RORA: variants seen among roughly 807,000 people sequenced by gnomAD.
The protein encoded by RORA is RAR related orphan receptor A.
Under a neutral mutation model 69.5 loss-of-function variants are expected in RORA, and 7 were observed. The observed-to-expected ratio is 0.10, with a 90% CI of 0.06 to 0.19. The LOEUF is 0.19. RORA is among the 10% of genes least tolerant of loss of function. The pLI is 1.00. For missense variants in RORA, 457 were observed against 663.0 expected (o/e 0.69, Z 3.41); for synonymous variants, 261 against 240.8 (o/e 1.08, Z -0.78).
chr15:60,760,139 AAT>A (rs2140871360), intron 1 of RORA, among the ~76,000 whole-genome samples: 1 of 150,834 alleles, frequency 6.6e-6, no homozygotes, highest in African/African-American at 2.5e-5. Flanking sequence ...TGAGCTTTAA[AAT>A]ATTTTTTTTT....
intron 1 of RORA, among the ~76,000 whole-genome samples, chr15:61,192,800 G>A (rs1529991): frequency 0.82 from 124,168 of 152,202 alleles, 52,172 homozygotes; most frequent in Non-Finnish European, 0.93. Context: ...GGTTGTCAGA[G>A]AGTTCCAGTG....
chr15:60,506,303 T>C (rs1224743234), intron 5 of RORA, among the ~76,000 whole-genome samples: 2 of 152,108 alleles, frequency 1.3e-5, no homozygotes, highest in Non-Finnish European at 2.9e-5. Flanking sequence ...AGGGCTGCCA[T>C]GAGAATTAAA....
intron 1 of RORA, among the ~76,000 whole-genome samples, chr15:60,808,761 T>A (rs1308270032): frequency 6.6e-6 from 1 of 151,008 alleles, no homozygotes; most frequent in African/African-American, 2.4e-5. Flanking sequence ...TATAAACATA[T>A]ATACAAATTT....
chr15:60,710,664 G>A (rs2071130217), intron 1 of RORA, among the ~76,000 whole-genome samples: 1 of 152,142 alleles, frequency 6.6e-6, no homozygotes, highest in Non-Finnish European at 1.5e-5. Flanking sequence ...ATGGCTGGGT[G>A]GCCTTCACCT....
chr15:60,723,550 C>T (rs747493555), intron 1 of RORA, among the ~76,000 whole-genome samples: 4 of 151,712 alleles, frequency 2.6e-5, no homozygotes, highest in Non-Finnish European at 5.9e-5. Flanking sequence ...ACATCAAATC[C>T]CCCTAAATAA....
At chr15:61,151,188 C>G (rs2079394973) in intron 1 of RORA, among the ~76,000 whole-genome samples, 1 of 152,142 alleles carries the variant, frequency 6.6e-6, no homozygotes, top group African/African-American at 2.4e-5. Context: ...TTTTTGTATT[C>G]TGTGATGTCA....
At chr15:61,070,927 G>A (rs1441183150) in intron 1 of RORA, among the ~76,000 whole-genome samples, 7 of 151,890 alleles carry the variant, frequency 4.6e-5, no homozygotes, top group Admixed American at 3.9e-4. Context: ...GGTATAAATT[G>A]GACTTTAAGA....
intron 1 of RORA, among the ~76,000 whole-genome samples, chr15:61,065,801 T>A (rs970353013): frequency 1.3e-5 from 2 of 152,206 alleles, no homozygotes; most frequent in Non-Finnish European, 2.9e-5. Flanking sequence ...AGACCTTGTT[T>A]CCATTGCATA....
chr15:61,207,931 A>G (rs777509057), intron 1 of RORA, among the ~76,000 whole-genome samples: 2 of 152,260 alleles, frequency 1.3e-5, no homozygotes, highest in Non-Finnish European at 2.9e-5. Flanking sequence ...GTGCTTTCAC[A>G]TTACTGATAG....
At chr15:60,741,735 G>C (rs2071578009) in intron 1 of RORA, among the ~76,000 whole-genome samples, 1 of 152,180 alleles carries the variant, frequency 6.6e-6, no homozygotes, top group Non-Finnish European at 1.5e-5. Flanking sequence ...TCAAGGAGGT[G>C]CAGCCCTCTC....
intron 1 of RORA, among the ~76,000 whole-genome samples, chr15:61,058,774 G>A (rs1457561946): frequency 1.3e-5 from 2 of 152,188 alleles, no homozygotes; most frequent in African/African-American, 4.8e-5. Context: ...ACGTGGCAGT[G>A]CTGCTCATTC....
rs185238776 is a variant in RORA, at chr15:60,893,033, A to G, written c.167-214347T>C. 1.1e-4 allele frequency among the ~76,000 whole-genome samples: 17 copies of G among 152,350 alleles called. No individual in the cohort carries two copies. The East Asian group carries it at 3.3e-3, about 29-fold the overall frequency. ...GGGATTCCAGATGAATTCTCCCAGC[A>G]TAGCCTCAGCTTGCAAAGGGTCATC... On this transcript the variant is annotated intron_variant, in intron 1 of 10. Coordinates refer to ENST00000335670, the MANE Select transcript of RORA (RefSeq NM_134261.3).
At chr15:61,109,740 C>A (rs986851920) in intron 1 of RORA, among the ~76,000 whole-genome samples, 1 of 152,210 alleles carries the variant, frequency 6.6e-6, no homozygotes, top group Non-Finnish European at 1.5e-5. Context: ...CACATCCTAA[C>A]TCCATTATTT....
At chr15:60,819,209 C>T (rs1291644341) in intron 1 of RORA, among the ~76,000 whole-genome samples, 3 of 152,174 alleles carry the variant, frequency 2.0e-5, no homozygotes, top group Admixed American at 6.5e-5. Context: ...CCTTCACCAC[C>T]ATAATGAGGA....
Position 60,876,201 on chromosome 15 carries a change from G to C in RORA, c.167-197515C>G, listed in dbSNP as rs375895220. ...AAGCTAATTAATTGTGAATGTGACAGCTAGAGTACAGAGAATTAATTTCCT... is the reference window on the plus strand; with the variant it reads ...AAGCTAATTAATTGTGAATGTGACACCTAGAGTACAGAGAATTAATTTCCT... On this transcript the variant is annotated intron_variant, in intron 1 of 10. Coordinates refer to ENST00000335670, the MANE Select transcript of RORA (RefSeq NM_134261.3). 6.6e-5 allele frequency among the ~76,000 whole-genome samples: 10 copies of C among 151,466 alleles called. No individual in the cohort carries two copies. In the East Asian group the frequency reaches 1.2e-3, roughly 18 times the overall value.
chr15:61,124,381 C>T (rs1017415580), intron 1 of RORA, among the ~76,000 whole-genome samples: 4 of 152,122 alleles, frequency 2.6e-5, no homozygotes, highest in African/African-American at 9.7e-5. Flanking sequence ...TTGGAGGCAG[C>T]GGGGGAGGCT....
At chr15:61,135,160 A>G (rs2079225152) in intron 1 of RORA, among the ~76,000 whole-genome samples, 1 of 150,970 alleles carries the variant, frequency 6.6e-6, no homozygotes. Context: ...AAAAAAAAAA[A>G]AAAAAAAAAA....
chr15:61,034,538 T>C (rs1458950027), intron 1 of RORA, among the ~76,000 whole-genome samples: 3 of 152,164 alleles, frequency 2.0e-5, no homozygotes, highest in Admixed American at 6.5e-5. Flanking sequence ...GGAATATTTA[T>C]GTGATATTTA....
chr15:60,792,175 A>G (rs980160337), intron 1 of RORA, among the ~76,000 whole-genome samples: 1 of 152,208 alleles, frequency 6.6e-6, no homozygotes, highest in East Asian at 1.9e-4. Context: ...ATACTACTGT[A>G]TGGGCTTAAC....
Sources: gnomAD v4.1 joint callset for allele counts (sites outside exome capture counted in the v4.1 genomes callset) on GRCh38, gnomAD v4.1.1 for gene constraint, MANE v1.5 for transcripts, NCBI Gene and HGNC (gene_info 2026-07-23, HGNC 2026-07-21) for gene names.